Variants in LRRC8D observed in about 807,000 individuals in gnomAD.
LRRC8D encodes leucine rich repeat containing 8 VRAC subunit D.
In LRRC8D, 20 loss-of-function variants were observed where a neutral mutation model predicts 55.8. That is an observed-to-expected ratio of 0.36 (90% CI 0.25 to 0.52). The LOEUF (loss-of-function observed/expected upper bound fraction) is 0.52. Ranked by LOEUF, LRRC8D falls within the 20% of genes least tolerant of loss-of-function variation. The probability of loss-of-function intolerance (pLI) is 0.93; values close to 1 mark genes in which losing one functional copy is unlikely to be tolerated. For missense variants in LRRC8D, 651 were observed against 1,030.8 expected, an observed-to-expected ratio of 0.63 and a Z score of 5.05; for synonymous variants, 352 against 377.0, an observed-to-expected ratio of 0.93 and a Z score of 0.77.
intron 2 of LRRC8D, among the ~76,000 whole-genome samples, chr1:89,865,730 C>G (rs1048782464): frequency 1.3e-4 from 20 of 152,102 alleles, no homozygotes; most frequent in African/African-American, 4.6e-4. Flanking sequence ...TGACTTACAA[C>G]TTTTTTGTTA....
intron 2 of LRRC8D, among the ~76,000 whole-genome samples, chr1:89,882,744 T>C (rs1459342778): frequency 6.6e-6 from 1 of 152,150 alleles, no homozygotes; most frequent in East Asian, 1.9e-4. Context: ...AAGACAGAAA[T>C]TGACATGTTG....
intron 2 of LRRC8D, among the ~76,000 whole-genome samples, chr1:89,912,963 A>T (rs1663172576): frequency 6.6e-6 from 1 of 152,182 alleles, no homozygotes; most frequent in African/African-American, 2.4e-5. Flanking sequence ...AATGACTTAA[A>T]TAAGATAGAT....
chr1:89,878,967 CA>C lies in LRRC8D; in HGVS notation c.-3+35203del, dbSNP rs5776028. 6.7e-3 allele frequency among the ~76,000 whole-genome samples: 606 copies of C among 90,828 alleles called. 3 individuals are homozygous for C. The highest frequency in any genetic ancestry group is 0.016 in the African/African-American group (387 of 24,098). The allele number at this position is 90,828 out of a possible 152,430, so 59.6% of individuals were successfully genotyped here. ...GGGCAACAAGAGCGAAAATCCGTCT[CA>C]AAAAAAAAAAAAAAAAAGTCTCTAA... On this transcript the variant is annotated intron_variant, in intron 2 of 2. Coordinates refer to ENST00000337338, the MANE Select transcript of LRRC8D (RefSeq NM_001134479.2).
intron 2 of LRRC8D, among the ~76,000 whole-genome samples, chr1:89,879,294 A>G (rs1367152272): frequency 2.6e-5 from 4 of 152,304 alleles, no homozygotes; most frequent in South Asian, 4.1e-4. Context: ...CCAATTATCA[A>G]TTTCCTGGGG....
rs921408821 is a variant in LRRC8D at position 89,857,309 on chromosome 1, G to T, written c.-3+13527G>T. 1.6e-4 allele frequency among the ~76,000 whole-genome samples: 24 copies of T among 150,242 alleles called. 1 individual carries two copies. Among genetic ancestry groups the T allele is most frequent in the African/African-American group, 5.4e-4 (22 of 40,848 alleles). ...AGGCAGGAGAATTGCTTGAACCTGG[G>T]AGATGGAGGTTGCGGTGAGCTGAGA... On this transcript the variant is annotated intron_variant, in intron 2 of 2. Coordinates refer to ENST00000337338, the MANE Select transcript of LRRC8D (RefSeq NM_001134479.2).
At chr1:89,822,409 C>T (rs1444285929) in intron 1 of LRRC8D, among the ~76,000 whole-genome samples, 2 of 152,172 alleles carry the variant, frequency 1.3e-5, no homozygotes, top group Admixed American at 6.5e-5. Context: ...TTTGGCTCCT[C>T]GTTGCCTCGC....
chr1:89,843,749 C>T lies in LRRC8D; in HGVS notation c.-36C>T. 1 of 698,694 alleles carries T rather than the reference C, an allele frequency of 1.4e-6. No individual in the cohort carries two copies. Among genetic ancestry groups the T allele is most frequent in the Non-Finnish European group, 2.6e-6 (1 of 382,852 alleles). 43.3% of individuals were successfully genotyped at this position (698,694 alleles called of 1,614,324 possible). On this transcript the variant is annotated 5_prime_UTR_variant, in exon 2 of 3. Coordinates refer to ENST00000337338, the MANE Select transcript of LRRC8D (RefSeq NM_001134479.2). The stretch of plus-strand genomic sequence containing the variant: ...TCGCCCAAGCCGCGTCCCCAGAGAG[C>T]GCCCTGAGAGAACAGGGTGGCCGCT...
At chr1:89,879,083 C>G (rs896561575) in intron 2 of LRRC8D, among the ~76,000 whole-genome samples, 8 of 152,272 alleles carry the variant, frequency 5.3e-5, no homozygotes, top group South Asian at 2.1e-4. Flanking sequence ...CGTGCACCCC[C>G]CTGCTCTGTA....
chr1:89,843,802 G>C lies in LRRC8D; in HGVS notation c.-3+20G>C, dbSNP rs1449590174. On this transcript the variant is annotated intron_variant, in intron 2 of 2. Transcript: ENST00000337338. ...GTCCAGGTGCGCGGGGTCGGGTCTG[G>C]GTCCAGGGAGCGGGTCGGGAAGTCT... 4.6e-6 allele frequency: 3 copies of C among 650,206 alleles called. No homozygotes were observed. Among genetic ancestry groups the C allele is most frequent in the Non-Finnish European group, 8.4e-6 (3 of 355,264 alleles). The allele number at this position is 650,206 out of a possible 1,614,324, so 40.3% of individuals were successfully genotyped here. A position where few individuals can be genotyped will look rare whatever the true frequency, so the allele number is the denominator to read the frequency against.
chr1:89,928,896 C>G (rs1663632400), intron 2 of LRRC8D, among the ~76,000 whole-genome samples: 1 of 152,194 alleles, frequency 6.6e-6, no homozygotes, highest in African/African-American at 2.4e-5. Context: ...TTAGAGTGTT[C>G]ATTCTTGCAT....
intron 2 of LRRC8D, among the ~76,000 whole-genome samples, chr1:89,921,675 G>T (rs1472471971): frequency 6.6e-6 from 1 of 152,094 alleles, no homozygotes; most frequent in Non-Finnish European, 1.5e-5. Context: ...CTCCTGAGCA[G>T]CTGGGATTCC....
intron 2 of LRRC8D, among the ~76,000 whole-genome samples, chr1:89,869,751 C>A (rs1358010937): frequency 6.6e-6 from 1 of 152,188 alleles, no homozygotes; most frequent in Non-Finnish European, 1.5e-5. Context: ...TCAGACTCAG[C>A]AGATCTCTCG....
intron 1 of LRRC8D, among the ~76,000 whole-genome samples, chr1:89,840,524 T>C (rs2100735811): frequency 6.6e-6 from 1 of 152,316 alleles, no homozygotes. Flanking sequence ...GCCACTGCTC[T>C]GGAGGGGAGA....
At chr1:89,863,957 C>T (rs1245364975) in intron 2 of LRRC8D, among the ~76,000 whole-genome samples, 1 of 152,176 alleles carries the variant, frequency 6.6e-6, no homozygotes, top group Non-Finnish European at 1.5e-5. Flanking sequence ...GTCACTTGAA[C>T]TTGAGTCTGG....
intron 2 of LRRC8D, among the ~76,000 whole-genome samples, chr1:89,866,777 C>T (rs1434001340): frequency 1.3e-5 from 2 of 152,132 alleles, no homozygotes; most frequent in Non-Finnish European, 2.9e-5. Context: ...AGCCCATCCC[C>T]TCAGGAGCAT....
Position 89,934,324 on chromosome 1 carries a change from T to G in LRRC8D, c.1256T>G (p.Leu419Arg). 6.2e-7 allele frequency: 1 copy of G among 1,613,898 alleles called. No individual in the cohort carries two copies. The highest frequency in any genetic ancestry group is 8.5e-7 in the Non-Finnish European group (1 of 1,179,844). The change falls in exon 3 of 3, where the codon CTT becomes CGT. Residue 419 changes from leucine to arginine, a missense_variant. By Grantham distance (102) the Leu-to-Arg change is moderately radical. Around this residue, in one of 5 missense-constraint regions of LRRC8D, gnomAD observed 178 missense variants for 374.9 expected, o/e 0.47. Transcript: ENST00000337338. The surrounding 1 kb of genome is among the most constrained non-coding windows in gnomAD (Gnocchi z 5.9). Reference sequence around the variant, plus strand: ...GATGTCAAAAACGATTTTGCGTTCCTTCTTCACATGGTAGACCAGTATGAC... The same window carrying G: ...GATGTCAAAAACGATTTTGCGTTCCGTCTTCACATGGTAGACCAGTATGAC... Reference protein sequence around the residue: ...IPDVKNDFAFLLHMVDQYDQL... With the variant: ...IPDVKNDFAFRLHMVDQYDQL...
intron 2 of LRRC8D, among the ~76,000 whole-genome samples, chr1:89,846,074 C>G (rs893737549): frequency 6.6e-6 from 1 of 152,174 alleles, no homozygotes; most frequent in African/African-American, 2.4e-5. Context: ...CCACTGCACC[C>G]AGCCACTGCC....
Position 89,906,788 on chromosome 1 carries a change from C to A in LRRC8D, c.-2-26279C>A, listed in dbSNP as rs147608973. On this transcript the variant is annotated intron_variant, in intron 2 of 2. Coordinates refer to ENST00000337338, the MANE Select transcript of LRRC8D (RefSeq NM_001134479.2). ...TGGATAAGAACTGGAGTAATGACTA[C>A]AGAAGTGAACGGTCACAGCTCTAAC... Among the ~76,000 whole-genome samples, 801 of 152,182 alleles carry A rather than the reference C, an allele frequency of 5.3e-3. 12 individuals are homozygous for A. The highest frequency in any genetic ancestry group is 0.018 in the African/African-American group (764 of 41,510).
rs1256529887 is a variant in LRRC8D, at chr1:89,911,903, T to C, written c.-2-21164T>C. The stretch of plus-strand genomic sequence containing the variant: ...TAGTTCTTGTCCTCTGACCCACCCT[T>C]CTTCCTCTCCTCTGCTGAATGCTTT... On this transcript the variant is annotated intron_variant, in intron 2 of 2. Coordinates refer to ENST00000337338, the MANE Select transcript of LRRC8D (RefSeq NM_001134479.2). The surrounding 1 kb of genome is among the most constrained non-coding windows in gnomAD (Gnocchi z 4.0). 6.6e-6 allele frequency among the ~76,000 whole-genome samples: 1 copy of C among 152,118 alleles called. No individual in the cohort carries two copies. The highest frequency in any genetic ancestry group is 1.5e-5 in the Non-Finnish European group (1 of 68,018).
Sources: allele counts gnomAD v4.1 joint callset (sites outside exome capture counted in the v4.1 genomes callset), GRCh38; gene constraint gnomAD v4.1.1; regional missense constraint gnomAD v4.1.1; non-coding constraint Gnocchi (gnomAD v3.1); transcripts MANE v1.5; gene names NCBI Gene and HGNC (gene_info 2026-07-23, HGNC 2026-07-21).